The following SPAG17 variants were observed in gnomAD, a reference collection of about 807,000 sequenced individuals.
SPAG17 encodes the protein sperm associated antigen 17, also known as sperm-associated antigen 17.
A neutral mutation model predicts 273.6 loss-of-function variants in SPAG17; 169 were observed. The ratio of observed to expected loss-of-function variants is 0.62; its 90% CI spans 0.55 to 0.70. The LOEUF (loss-of-function observed/expected upper bound fraction) is 0.70. Ranked by LOEUF, SPAG17 falls within the 30% of genes least tolerant of loss-of-function variation. The pLI is 0.00. For synonymous variants in SPAG17, 825 were observed against 873.2 expected, an observed-to-expected ratio of 0.94 and a Z score of 0.97; for missense variants, 2,557 against 2,627.8, an observed-to-expected ratio of 0.97 and a Z score of 0.59.
In SPAG17 at chr1:118,008,157, G is replaced by T; in HGVS notation, c.4474C>A (p.Arg1492=). ...GTGGCATAGCGTGAGCTTTCTACCC[G>T]CATACACTTCACCTGCCTGGTGACA... ...RTVTRQVKCM[R]VESSRYATVI... is the part of the protein sequence containing the mutation. Residue 1492 remains arginine, a synonymous_variant, in exon 31 of 49, where the codon CGG becomes AGG. Transcript: ENST00000336338. 3 of 1,613,974 alleles carry T rather than the reference G, an allele frequency of 1.9e-6. No homozygotes were observed. The highest frequency in any genetic ancestry group is 2.5e-6 in the Non-Finnish European group (3 of 1,179,954).
chr1:117,993,437 A>G (rs547350285), intron 35 of SPAG17, among the ~76,000 whole-genome samples: 2 of 152,300 alleles, frequency 1.3e-5, no homozygotes, highest in African/African-American at 4.8e-5. Flanking sequence ...ATATAGCCTT[A>G]GTGTGCCATT....
intron 5 of SPAG17, among the ~76,000 whole-genome samples, chr1:118,101,371 T>A (rs990613653): frequency 1.3e-5 from 2 of 152,220 alleles, no homozygotes; most frequent in African/African-American, 4.8e-5. Flanking sequence ...GTATAAGCCA[T>A]GATTGTGCCA....
intron 13 of SPAG17, 79 bp from the exon 14 acceptor site, chr1:118,081,721 G>T: frequency 8.4e-7 from 1 of 1,188,554 alleles, no homozygotes. Context: ...GATAACCAGG[G>T]AGTCTGTCTA....
At position 118,036,858 on chromosome 1, in the gene SPAG17, AG is replaced by A. The variant is rs1285860990; in HGVS notation, c.3344del (p.Ala1115ValfsTer12). The A allele has an allele frequency of 3.9e-6, 6 of 1,558,392 alleles. No homozygotes were observed. Among genetic ancestry groups the A allele is most frequent in the Non-Finnish European group, 4.3e-6 (5 of 1,149,728 alleles). ...ETEVSDAKNK[A>X]FSKFGSFSAT... ...CAGAAAAAGATCCAAACTTGCTGAA[AG>A]CTTTATTCTTTGCATCTGATACTTC... On this transcript the variant is annotated frameshift_variant, in exon 24 of 49. Transcript: ENST00000336338. LOFTEE classifies it high-confidence loss of function.
intron 31 of SPAG17, among the ~76,000 whole-genome samples, chr1:118,006,426 T>C (rs1658887083): frequency 6.6e-6 from 1 of 152,250 alleles, no homozygotes; most frequent in African/African-American, 2.4e-5. Flanking sequence ...CACACAGTAC[T>C]TTATTCCATT....
intron 28 of SPAG17, among the ~76,000 whole-genome samples, chr1:118,016,940 C>T (rs1311775390): frequency 6.6e-6 from 1 of 152,144 alleles, no homozygotes; most frequent in African/African-American, 2.4e-5. Context: ...AGTGTTATCA[C>T]ATCTCAATGA....
intron 1 of SPAG17, among the ~76,000 whole-genome samples, chr1:118,156,834 A>C (rs898322754): frequency 9.9e-5 from 15 of 150,992 alleles, no homozygotes; most frequent in Non-Finnish European, 5.9e-5. Flanking sequence ...AATTCTTATG[A>C]GTTTGATTTA....
chr1:118,090,621 T>C (rs993763169), intron 10 of SPAG17, among the ~76,000 whole-genome samples: 2 of 152,138 alleles, frequency 1.3e-5, no homozygotes, highest in Non-Finnish European at 2.9e-5. Context: ...CGGTGGTTCA[T>C]GATTATAATC....
intron 3 of SPAG17, among the ~76,000 whole-genome samples, chr1:118,147,738 C>G (rs532044945): frequency 3.3e-5 from 5 of 152,294 alleles, no homozygotes; most frequent in African/African-American, 1.2e-4. Flanking sequence ...TACACAACAC[C>G]ATGCCATCCA....
At position 118,085,954 on chromosome 1, in the gene SPAG17, G is replaced by A; in HGVS notation, c.1730C>T (p.Thr577Ile). 3.7e-6 allele frequency: 6 copies of A among 1,611,218 alleles called. No individual in the cohort carries two copies. Among genetic ancestry groups the A allele is most frequent in the Non-Finnish European group, 5.1e-6 (6 of 1,179,032 alleles). ...PPWNNTKRLA[T>I]IHELMHFCTS... ...ACAAAAGTGCATAAGCTCATGAATT[G>A]TAGCTAGACGTTTAGTGTTGTTCCA... Residue 577 changes from threonine to isoleucine, a missense_variant, in exon 13 of 49, where the codon ACA becomes ATA. By Grantham distance (89) the Thr-to-Ile change is moderately conservative. Coordinates refer to ENST00000336338, the MANE Select transcript of SPAG17 (RefSeq NM_206996.4).
intron 1 of SPAG17, among the ~76,000 whole-genome samples, chr1:118,184,789 T>C (rs1272455870): frequency 6.6e-6 from 1 of 152,188 alleles, no homozygotes; most frequent in Non-Finnish European, 1.5e-5. Context: ...TCTGGACGAC[T>C]TCACTGAAAA....
chr1:118,132,624 T>C (rs1658115603), intron 3 of SPAG17, among the ~76,000 whole-genome samples: 1 of 152,214 alleles, frequency 6.6e-6, no homozygotes, highest in Non-Finnish European at 1.5e-5. Context: ...ACTGGAAGCA[T>C]GCATGTTTAG....
At chr1:118,147,301 T>C (rs911903674) in intron 3 of SPAG17, among the ~76,000 whole-genome samples, 1 of 152,188 alleles carries the variant, frequency 6.6e-6, no homozygotes, top group Admixed American at 6.5e-5. Context: ...CCGGCTACTA[T>C]ATAATGCAGG....
rs1170752470 is a variant in SPAG17, at chr1:117,971,932, C to A, written c.6257G>T (p.Gly2086Val). The change falls in exon 45 of 49, where the codon GGA becomes GTA. Residue 2086 changes from glycine to valine, a missense_variant. Coordinates refer to ENST00000336338, the MANE Select transcript of SPAG17 (RefSeq NM_206996.4). ...ATAGGTATGTCCTTCCTTAAGCACT[C>A]CAAACTTGACTGATGATGGGAGAAG... Reference protein sequence around the residue: ...FHLLPSSVKFGVLKEGHTYAT... With the variant: ...FHLLPSSVKFVVLKEGHTYAT... 6.2e-7 allele frequency: 1 copy of A among 1,614,080 alleles called. No individual in the cohort carries two copies. Among genetic ancestry groups the A allele is most frequent in the Non-Finnish European group, 8.5e-7 (1 of 1,179,990 alleles).
At chr1:118,170,031 G>A (rs1570818946) in intron 1 of SPAG17, among the ~76,000 whole-genome samples, 2 of 152,178 alleles carry the variant, frequency 1.3e-5, no homozygotes, top group Non-Finnish European at 2.9e-5. Flanking sequence ...TCATTGCATA[G>A]TTCTTCTCAG....
rs1292123427 is a variant in SPAG17, at chr1:117,971,860, C to T, written c.6326+3G>A. The T allele has an allele frequency of 3.1e-6, 5 of 1,612,134 alleles. No homozygotes were observed. The highest frequency in any genetic ancestry group is 4.2e-6 in the Non-Finnish European group (5 of 1,179,080). On this transcript the variant is annotated splice_donor_region_variant and intron_variant, in intron 45 of 48. Transcript: ENST00000336338. ...GAGCAGACCTTTGGTCCCTTGGCCT[C>T]ACCTGCAGAAGTCCACTCCAACATT... is the stretch of plus-strand genomic sequence containing the variant.
At position 118,172,380 on chromosome 1, in the gene SPAG17, G is replaced by A. The variant is rs572824917; in HGVS notation, c.87+12691C>T. Among the ~76,000 whole-genome samples the A allele has an allele frequency of 3.3e-5, 5 of 152,254 alleles. 1 individual carries two copies. The South Asian group carries it at 1.0e-3, about 32-fold the overall frequency. ...AGTAGTGGGTCGGGCTGGGTTAAGA[G>A]GTGCATGGGTTGCCATAAACTTTTT... On this transcript the variant is annotated intron_variant, in intron 1 of 48. Coordinates refer to ENST00000336338, the MANE Select transcript of SPAG17 (RefSeq NM_206996.4).
At chr1:118,052,158 T>C (rs1249501400) in intron 20 of SPAG17, among the ~76,000 whole-genome samples, 1 of 147,002 alleles carries the variant, frequency 6.8e-6, no homozygotes, top group East Asian at 2.0e-4. Context: ...TATACTATTA[T>C]AATATATAAA....
intron 31 of SPAG17, among the ~76,000 whole-genome samples, chr1:118,007,151 T>C (rs1019130060): frequency 6.6e-6 from 1 of 152,196 alleles, no homozygotes; most frequent in Non-Finnish European, 1.5e-5. Context: ...TAAGAAACTA[T>C]TGCCTAATCA....
Sources: gnomAD v4.1 joint callset for allele counts (sites outside exome capture counted in the v4.1 genomes callset) on GRCh38, gnomAD v4.1.1 for gene constraint, MANE v1.5 for transcripts, NCBI Gene and HGNC (gene_info 2026-07-23, HGNC 2026-07-21) for gene names.